Variants in CFAP126 observed in about 807,000 individuals in gnomAD.
The protein encoded by CFAP126 is protein Flattop.
A neutral mutation model predicts 17.1 loss-of-function variants in CFAP126; 21 were observed. That is an observed-to-expected ratio of 1.23 (90% confidence interval 0.87 to 1.77). The LOEUF is 1.77. CFAP126 is among the 40% of genes most tolerant of loss of function. CFAP126 has a pLI of 0.00. For synonymous variants in CFAP126, 65 were observed against 73.5 expected (o/e 0.88, Z 0.59); for missense variants, 174 against 215.4 (o/e 0.81, Z 1.20).
In CFAP126 at chr1:161,366,017, G is replaced by A. The variant is rs551657159; in HGVS notation, c.171+181C>T. On this transcript the variant is annotated intron_variant, in intron 3 of 4. Transcript: ENST00000367974. ...TTGATCAATTTAAGAACTTCTGAAGGGTGCTAAACACAACTCTATCCTGCT... is the reference window on the plus strand; with the variant it reads ...TTGATCAATTTAAGAACTTCTGAAGAGTGCTAAACACAACTCTATCCTGCT... 1.7e-5 allele frequency: 11 copies of A among 633,240 alleles called. No homozygotes were observed. In the South Asian group the frequency reaches 2.1e-4, roughly 12 times the overall value. 39.2% of individuals were successfully genotyped at this position (633,240 alleles called of 1,614,324 possible). A position where few individuals can be genotyped will look rare whatever the true frequency, so the allele number is the denominator to read the frequency against.
intron 4 of CFAP126, 83 bp downstream of exon 4, chr1:161,365,443 T>C (rs2102392660): frequency 6.7e-7 from 1 of 1,494,544 alleles, no homozygotes; most frequent in Non-Finnish European, 9.3e-7. Context: ...GCTGGGATAG[T>C]GGTGGCATAA....
chr1:161,364,744 A>C lies in CFAP126; in HGVS notation c.*221T>G, dbSNP rs1672664083. On this transcript the variant is annotated 3_prime_UTR_variant, in exon 5 of 5. Transcript: ENST00000367974. The stretch of plus-strand genomic sequence containing the variant: ...AATCCAGATCAGTAAAAGATTCAAC[A>C]AAAAAAAGTTTATTTTCCAAATTTG... 2.0e-6 allele frequency: 1 copy of C among 491,056 alleles called. No individual in the cohort carries two copies. Among genetic ancestry groups the C allele is most frequent in the Non-Finnish European group, 3.6e-6 (1 of 280,826 alleles). 30.4% of individuals were successfully genotyped at this position (491,056 alleles called of 1,614,324 possible).
Position 161,364,890 on chromosome 1 carries a change from G to C in CFAP126, c.*75C>G. The C allele has an allele frequency of 7.0e-7, 1 of 1,418,748 alleles. No homozygotes were observed. Among genetic ancestry groups the C allele is most frequent in the Non-Finnish European group, 9.8e-7 (1 of 1,021,122 alleles). The allele number at this position is 1,418,748 out of a possible 1,614,324, so 87.9% of individuals were successfully genotyped here. A position where few individuals can be genotyped will look rare whatever the true frequency, so the allele number is the denominator to read the frequency against. ...GCCACTTGGTCCATATGAAGTTCCA[G>C]GTTTGTATTTCTGGACCTCAGCTAG... On this transcript the variant is annotated 3_prime_UTR_variant, in exon 5 of 5. Coordinates refer to ENST00000367974, the MANE Select transcript of CFAP126 (RefSeq NM_001013625.4).
At chr1:161,366,164 G>A (rs1217376168) in intron 3 of CFAP126, 34 bp downstream of exon 3, 1 of 1,494,052 alleles carries the variant, frequency 6.7e-7, no homozygotes, top group African/African-American at 1.4e-5. Context: ...TTAATTATTT[G>A]ACTTTCTTGA....
In CFAP126 at chr1:161,364,761, C is replaced by A; in HGVS notation, c.*204G>T. ...GATTCAACAAAAAAAAGTTTATTTT[C>A]CAAATTTGCTTTTACTCCCACCCCA... On this transcript the variant is annotated 3_prime_UTR_variant, in exon 5 of 5. Transcript: ENST00000367974. 1.9e-6 allele frequency: 1 copy of A among 523,770 alleles called. No individual in the cohort carries two copies. Among genetic ancestry groups the A allele is most frequent in the Non-Finnish European group, 3.3e-6 (1 of 300,520 alleles). 32.4% of individuals were successfully genotyped at this position (523,770 alleles called of 1,614,324 possible).
rs1291368755 is a variant in CFAP126, at chr1:161,364,999, T to C, written c.500A>G (p.His167Arg). The change falls in exon 5 of 5, where the codon CAT becomes CGT. Residue 167 changes from histidine to arginine, a missense_variant. By Grantham distance (29) the His-to-Arg change is conservative. Transcript: ENST00000367974. ...GGCTGGTCTTTGGGGACCTGGAGTA[T>C]GACCTGCAGAGGGGTGTGAGCTTTG... ...ELQSSHPSAG[H>R]TPGPQRPAKS 6.2e-7 allele frequency: 1 copy of C among 1,614,208 alleles called. No homozygotes were observed. Among genetic ancestry groups the C allele is most frequent in the Non-Finnish European group, 8.5e-7 (1 of 1,180,042 alleles).
At position 161,364,814 on chromosome 1, in the gene CFAP126, G is replaced by A. The variant is rs879461584; in HGVS notation, c.*151C>T. The A allele has an allele frequency of 4.0e-6, 3 of 755,876 alleles. No homozygotes were observed. Among genetic ancestry groups the A allele is most frequent in the Middle Eastern group, 4.0e-4 (1 of 2,502 alleles). 46.8% of individuals were successfully genotyped at this position (755,876 alleles called of 1,614,324 possible). A position where few individuals can be genotyped will look rare whatever the true frequency, so the allele number is the denominator to read the frequency against. On this transcript the variant is annotated 3_prime_UTR_variant, in exon 5 of 5. Transcript: ENST00000367974. ...ATTTCCCTGTTTCACAGTTCTGACT[G>A]GGGGCTCTTGTTTATTTCACTGAGT...
chr1:161,365,208 C>G (rs1672686727), intron 4 of CFAP126, 58 bp from the exon 5 acceptor site: 9 of 1,515,116 alleles, frequency 5.9e-6, no homozygotes, highest in Non-Finnish European at 8.2e-6. Flanking sequence ...CGGATCATTC[C>G]TAATGCACCT....
intron 4 of CFAP126, 26 bp from the exon 5 acceptor site, chr1:161,365,176 T>C (rs751148667): frequency 1.9e-5 from 31 of 1,603,744 alleles, no homozygotes; most frequent in Middle Eastern, 1.7e-4. Context: ...GTGGGAGAGA[T>C]AGTCATGTCT....
At chr1:161,365,303 A>G in intron 4 of CFAP126, 153 bp from the exon 5 acceptor site, 3 of 913,184 alleles carry the variant, frequency 3.3e-6, no homozygotes. Context: ...TTCTCTAACC[A>G]CCCTCCCCCA....
chr1:161,365,254 CAGTAG>C, intron 4 of CFAP126, 104 bp from the exon 5 acceptor site: 1 of 1,177,328 alleles, frequency 8.5e-7, no homozygotes, highest in Non-Finnish European at 1.2e-6. Flanking sequence ...ATACCATGGG[CAGTAG>C]ATCAAGTTTC....
chr1:161,366,731 A>G, intron 1 of CFAP126: 1 of 544,190 alleles, frequency 1.8e-6, no homozygotes, highest in Non-Finnish European at 3.2e-6. Context: ...GTTCAAATTG[A>G]GGTGCTTTGT....
intron 1 of CFAP126, 65 bp from the exon 2 acceptor site, chr1:161,366,566 A>G (rs1672738213): frequency 7.0e-7 from 1 of 1,427,030 alleles, no homozygotes; most frequent in South Asian, 1.1e-5. Context: ...AATGAAGACT[A>G]GGCACAATTC....
rs1243285791 is a variant in CFAP126 at position 161,365,424 on chromosome 1, G to GT, written c.348+101dup. The GT allele has an allele frequency of 6.5e-6, 9 of 1,382,962 alleles. No homozygotes were observed. In the African/African-American group the frequency reaches 8.6e-5, roughly 13 times the overall value. 85.7% of individuals were successfully genotyped at this position (1,382,962 alleles called of 1,614,324 possible). ...TCAAGATAAGACAAATTGGTTAGAG[G>GT]TCCCCCATGCTGGGATAGTGGTGGC... On this transcript the variant is annotated intron_variant, in intron 4 of 4. Coordinates refer to ENST00000367974, the MANE Select transcript of CFAP126 (RefSeq NM_001013625.4).
chr1:161,364,862 G>T lies in CFAP126; in HGVS notation c.*103C>A. Reference sequence around the variant, plus strand: ...AGTCGCTATACGGGTTTTTCAGTGTGTGGCCACTTGGTCCATATGAAGTTC... The same window carrying T: ...AGTCGCTATACGGGTTTTTCAGTGTTTGGCCACTTGGTCCATATGAAGTTC... On this transcript the variant is annotated 3_prime_UTR_variant, in exon 5 of 5. Coordinates refer to ENST00000367974, the MANE Select transcript of CFAP126 (RefSeq NM_001013625.4). 1 of 1,110,446 alleles carries T rather than the reference G, an allele frequency of 9.0e-7. No individual in the cohort carries two copies. The highest frequency in any genetic ancestry group is 1.3e-6 in the Non-Finnish European group (1 of 763,280). 68.8% of individuals were successfully genotyped at this position (1,110,446 alleles called of 1,614,324 possible).
chr1:161,366,578 T>G (rs778632867), intron 1 of CFAP126, 77 bp from the exon 2 acceptor site: 120 of 1,376,378 alleles, frequency 8.7e-5, no homozygotes, highest in South Asian at 1.9e-4. Flanking sequence ...GCACAATTCT[T>G]TAGATTTGAA....
rs375280237 is a variant in CFAP126, at chr1:161,366,403, T to C, written c.90+36A>G. The C allele has an allele frequency of 6.9e-6, 11 of 1,599,242 alleles. 1 individual carries two copies. The South Asian group carries it at 1.2e-4, about 18-fold the overall frequency. ...AAGGAGTTAATTGACAGGGAGAGCATGAGGCTATCTTGTAGGTGCACTGAA... is the reference window on the plus strand; with the variant it reads ...AAGGAGTTAATTGACAGGGAGAGCACGAGGCTATCTTGTAGGTGCACTGAA... On this transcript the variant is annotated intron_variant, in intron 2 of 4. Coordinates refer to ENST00000367974, the MANE Select transcript of CFAP126 (RefSeq NM_001013625.4).
rs532854688 is a variant in CFAP126 at position 161,365,095 on chromosome 1, A to G, written c.404T>C (p.Val135Ala). ...TATGGTTGGACTTCGTGCTTGTTGT[A>G]CAGTCTTTGTGATAGACTTCTTTCT... The part of the protein sequence containing the change: ...KLRKKSITKT[V>A]QQARSPTIIP... The change falls in exon 5 of 5, where the codon GTA (valine) becomes GCA (alanine). Residue 135 changes from valine to alanine, a missense_variant. Val to Ala is a moderately conservative substitution (Grantham distance 64). Transcript: ENST00000367974. The G allele has an allele frequency of 6.2e-7, 1 of 1,614,104 alleles. No homozygotes were observed. Among genetic ancestry groups the G allele is most frequent in the South Asian group, 1.1e-5 (1 of 91,076 alleles).
At chr1:161,365,181 A>C (rs1435338405) in intron 4 of CFAP126, 31 bp from the exon 5 acceptor site, 2 of 1,599,564 alleles carry the variant, frequency 1.3e-6, no homozygotes, top group Non-Finnish European at 1.7e-6. Context: ...AGAGATAGTC[A>C]TGTCTCTGGT....
Sources: allele counts gnomAD v4.1 joint callset, GRCh38; gene constraint gnomAD v4.1.1; transcripts MANE v1.5; gene names NCBI Gene and HGNC (gene_info 2026-07-23, HGNC 2026-07-21).